Variants in ADAMTS12 observed in about 807,000 individuals in gnomAD.
The protein encoded by ADAMTS12 is ADAM metallopeptidase with thrombospondin type 1 motif 12, also known as A disintegrin and metalloproteinase with thrombospondin motifs 12.
In ADAMTS12, 118 loss-of-function variants were observed where a neutral mutation model predicts 167.8. The observed-to-expected ratio is 0.70, with a 90% CI of 0.61 to 0.82. The LOEUF (loss-of-function observed/expected upper bound fraction) is 0.82, where lower values mean the gene tolerates loss of function less well. Among genes scored for constraint, ADAMTS12 ranks in the 40% least tolerant of loss-of-function variants. The pLI is 0.00. For missense variants in ADAMTS12, 1,916 were observed against 1,998.8 expected (o/e 0.96, Z 0.79); for synonymous variants, 704 against 716.9 (o/e 0.98, Z 0.29).
intron 3 of ADAMTS12, among the ~76,000 whole-genome samples, chr5:33,750,299 A>G (rs137891604): frequency 1.7e-4 from 26 of 152,356 alleles, no homozygotes; most frequent in African/African-American, 5.8e-4. Context: ...TTTTGTGTAC[A>G]GAAAACATTT....
At chr5:33,660,951 G>A (rs1297676870) in intron 6 of ADAMTS12, among the ~76,000 whole-genome samples, 1 of 152,168 alleles carries the variant, frequency 6.6e-6, no homozygotes, top group Non-Finnish European at 1.5e-5. Context: ...ATCCTTCCTT[G>A]TAGGGATTCT....
intron 2 of ADAMTS12, among the ~76,000 whole-genome samples, chr5:33,795,593 C>T (rs543273981): frequency 1.3e-3 from 195 of 152,314 alleles, no homozygotes; most frequent in Middle Eastern, 6.8e-3. Flanking sequence ...CCAGCAACTA[C>T]GCTCCTCAGA....
At chr5:33,700,695 G>C (rs1230518215) in intron 3 of ADAMTS12, among the ~76,000 whole-genome samples, 3 of 152,066 alleles carry the variant, frequency 2.0e-5, no homozygotes, top group South Asian at 4.1e-4. Flanking sequence ...AAGTAAAATT[G>C]GGGAAATCTG....
chr5:33,546,466 AGATTTAGATTTTTTATAAT>A (rs1178941716), intron 21 of ADAMTS12, among the ~76,000 whole-genome samples: 3 of 152,166 alleles, frequency 2.0e-5, no homozygotes, highest in Admixed American at 1.3e-4. Context: ...AAAAGTCAGA[AGATTTAGATTTTTTATAAT>A]GATTTAGATT....
At chr5:33,616,246 A>G (rs1739008035) in intron 14 of ADAMTS12, among the ~76,000 whole-genome samples, 174 bp from the exon 15 acceptor site, 1 of 152,322 alleles carries the variant, frequency 6.6e-6, no homozygotes, top group South Asian at 2.1e-4. Flanking sequence ...GAGAACTTGG[A>G]CACGAACAGA....
chr5:33,746,695 C>T (rs1046758138), intron 3 of ADAMTS12, among the ~76,000 whole-genome samples: 5 of 152,150 alleles, frequency 3.3e-5, no homozygotes, highest in African/African-American at 2.4e-5. Flanking sequence ...CTGCAGTCCC[C>T]GTTATTCAAT....
At chr5:33,542,557 T>C (rs535997546) in intron 22 of ADAMTS12, among the ~76,000 whole-genome samples, 28 of 152,342 alleles carry the variant, frequency 1.8e-4, no homozygotes, top group Middle Eastern at 3.4e-3. Context: ...CAACAGAAGA[T>C]ACATTCTTCT....
intron 3 of ADAMTS12, among the ~76,000 whole-genome samples, chr5:33,731,329 G>GC (rs1159725798): frequency 1.3e-5 from 2 of 151,884 alleles, no homozygotes; most frequent in Admixed American, 1.3e-4. Context: ...GGGATTACAG[G>GC]TGTAAGCCAC....
intron 20 of ADAMTS12, among the ~76,000 whole-genome samples, chr5:33,559,441 C>A (rs940506357): frequency 6.6e-6 from 1 of 152,182 alleles, no homozygotes. Context: ...GCGTGACAAG[C>A]AGATTAGGCC....
rs1749272215 is a variant in ADAMTS12, at chr5:33,852,945, T to C, written c.489+28174A>G. Among the ~76,000 whole-genome samples, 5 of 152,214 alleles carry C rather than the reference T, an allele frequency of 3.3e-5. No individual in the cohort carries two copies. In the South Asian group the frequency reaches 1.0e-3, roughly 32 times the overall value. The stretch of plus-strand genomic sequence containing the variant: ...TACCTTCTCTAAATCCCCATTCATT[T>C]AGTCAGGGGTCTAGAACTTAACAGA... On this transcript the variant is annotated intron_variant, in intron 2 of 23. Coordinates refer to ENST00000504830, the MANE Select transcript of ADAMTS12 (RefSeq NM_030955.4).
At chr5:33,718,267 G>A (rs1042081573) in intron 3 of ADAMTS12, among the ~76,000 whole-genome samples, 10 of 152,180 alleles carry the variant, frequency 6.6e-5, no homozygotes, top group African/African-American at 2.2e-4. Context: ...CATGGATTCT[G>A]AGAAAGATTT....
At chr5:33,617,286 A>G (rs1008732356) in intron 14 of ADAMTS12, among the ~76,000 whole-genome samples, 5 of 151,500 alleles carry the variant, frequency 3.3e-5, no homozygotes, top group Admixed American at 1.3e-4. Context: ...TCCACTGGAT[A>G]TGCACTACGT....
At chr5:33,673,801 T>C (rs1337582152) in intron 5 of ADAMTS12, among the ~76,000 whole-genome samples, 2 of 152,158 alleles carry the variant, frequency 1.3e-5, no homozygotes, top group East Asian at 3.9e-4. Context: ...CTCCCTCACA[T>C]ACTCCCACAC....
chr5:33,785,066 T>C (rs1267691429), intron 2 of ADAMTS12, among the ~76,000 whole-genome samples: 8 of 152,006 alleles, frequency 5.3e-5, no homozygotes, highest in Non-Finnish European at 7.4e-5. Flanking sequence ...AATTTAATGA[T>C]GGAAGGGCAG....
chr5:33,843,655 G>A (rs1432730874), intron 2 of ADAMTS12, among the ~76,000 whole-genome samples: 1 of 152,204 alleles, frequency 6.6e-6, no homozygotes, highest in Non-Finnish European at 1.5e-5. Flanking sequence ...TGGAAGCGAA[G>A]GTACGGTAGT....
chr5:33,843,289 A>G (rs1485522442), intron 2 of ADAMTS12, among the ~76,000 whole-genome samples: 1 of 152,176 alleles, frequency 6.6e-6, no homozygotes, highest in Non-Finnish European at 1.5e-5. Context: ...TGTTAATGAG[A>G]AAGAGGCACA....
chr5:33,786,095 C>T (rs1746314362), intron 2 of ADAMTS12, among the ~76,000 whole-genome samples: 1 of 152,164 alleles, frequency 6.6e-6, no homozygotes, highest in Non-Finnish European at 1.5e-5. Context: ...CACTATATGA[C>T]ATTTCTTTAA....
chr5:33,756,015 T>C (rs180812801), intron 2 of ADAMTS12, among the ~76,000 whole-genome samples: 1 of 152,270 alleles, frequency 6.6e-6, no homozygotes, highest in Admixed American at 6.5e-5. Context: ...TTACAAAGTA[T>C]CAATCTATAT....
At chr5:33,645,501 G>A (rs1353220619) in intron 9 of ADAMTS12, among the ~76,000 whole-genome samples, 2 of 152,078 alleles carry the variant, frequency 1.3e-5, no homozygotes, top group Middle Eastern at 3.2e-3. Flanking sequence ...ACGTGGAAGT[G>A]AAAACCCACA....
Sources: gnomAD v4.1 joint callset for allele counts (sites outside exome capture counted in the v4.1 genomes callset) on GRCh38, gnomAD v4.1.1 for gene constraint, MANE v1.5 for transcripts, NCBI Gene and HGNC (gene_info 2026-07-23, HGNC 2026-07-21) for gene names.